The following RGS6 variants were observed in gnomAD, a reference collection of about 807,000 sequenced individuals.
RGS6 encodes regulator of G-protein signaling 6.
RGS6 carries 30 observed loss-of-function variants against 78.5 expected under a neutral mutation model. That is an observed-to-expected ratio of 0.38 (90% CI 0.29 to 0.52). RGS6 has a LOEUF of 0.52. Among genes scored for constraint, RGS6 ranks in the 20% least tolerant of loss-of-function variants. The pLI is 0.85. For synonymous variants in RGS6, 206 were observed against 206.0 expected, an observed-to-expected ratio of 1.00 and a Z score of 0.00; for missense variants, 495 against 609.7, an observed-to-expected ratio of 0.81 and a Z score of 1.98.
chr14:72,514,229 T>C (rs1316768008), intron 14 of RGS6, among the ~76,000 whole-genome samples: 1 of 152,160 alleles, frequency 6.6e-6, no homozygotes, highest in African/African-American at 2.4e-5. Flanking sequence ...ACGTCTCTGG[T>C]TGACCAGCAG....
chr14:72,130,697 C>T (rs964933865), intron 2 of RGS6, among the ~76,000 whole-genome samples: 8 of 152,190 alleles, frequency 5.3e-5, no homozygotes, highest in African/African-American at 1.7e-4. Context: ...CACTGGTCCT[C>T]TGCAGACTCA....
chr14:72,027,327 T>TA (rs2090073864), intron 2 of RGS6, among the ~76,000 whole-genome samples: 1 of 152,180 alleles, frequency 6.6e-6, no homozygotes, highest in African/African-American at 2.4e-5. Context: ...GAGTGCCTCT[T>TA]AGAGTCTCTT....
At chr14:72,068,724 C>T (rs982165690) in intron 2 of RGS6, among the ~76,000 whole-genome samples, 2 of 150,764 alleles carry the variant, frequency 1.3e-5, no homozygotes, top group African/African-American at 4.9e-5. Flanking sequence ...CTTGAACTCC[C>T]CACCTGTTGA....
intron 3 of RGS6, among the ~76,000 whole-genome samples, chr14:72,387,867 G>C (rs566370569): frequency 6.6e-6 from 1 of 152,222 alleles, no homozygotes; most frequent in African/African-American, 2.4e-5. Context: ...TGGTTTCTTC[G>C]GAGACTTCTC....
At chr14:72,018,356 G>A (rs545365493) in intron 2 of RGS6, among the ~76,000 whole-genome samples, 53 of 152,070 alleles carry the variant, frequency 3.5e-4, no homozygotes, top group African/African-American at 1.2e-3. Context: ...CCCCTTTGAT[G>A]TGCTTTTATA....
chr14:72,472,397 T>A (rs2096107780), intron 8 of RGS6, among the ~76,000 whole-genome samples: 1 of 152,192 alleles, frequency 6.6e-6, no homozygotes, highest in Non-Finnish European at 1.5e-5. Context: ...AATTGCAGCA[T>A]TTTAAAGACA....
At chr14:72,460,923 A>T (rs943356351) in intron 6 of RGS6, among the ~76,000 whole-genome samples, 2 of 151,920 alleles carry the variant, frequency 1.3e-5, no homozygotes, top group South Asian at 4.2e-4. Context: ...AATACAAGCG[A>T]GTTGTACCTA....
intron 2 of RGS6, among the ~76,000 whole-genome samples, chr14:72,290,379 G>A (rs1431226271): frequency 3.6e-4 from 54 of 152,068 alleles, no homozygotes; most frequent in Non-Finnish European, 1.6e-4. Flanking sequence ...AAGACTTCCC[G>A]GCATGTTTTC....
chr14:72,541,128 A>G, intron 17 of RGS6: 1 of 1,367,546 alleles, frequency 7.3e-7, no homozygotes, highest in Non-Finnish European at 9.7e-7. Context: ...CCATGCAGGG[A>G]GCTGGCCACA....
chr14:72,540,235 CT>C, intron 17 of RGS6, 141 bp downstream of exon 17: 1 of 1,542,586 alleles, frequency 6.5e-7, no homozygotes, highest in South Asian at 1.2e-5. Flanking sequence ...CGACTCAGCC[CT>C]TTTCTTTTGC....
At chr14:72,330,594 G>A (rs1353497590) in intron 2 of RGS6, among the ~76,000 whole-genome samples, 1 of 152,164 alleles carries the variant, frequency 6.6e-6, no homozygotes, top group Non-Finnish European at 1.5e-5. Context: ...TCCTCCAAAA[G>A]GGCATTAACT....
chr14:72,368,275 C>T (rs1204973457), intron 3 of RGS6, among the ~76,000 whole-genome samples: 1 of 152,174 alleles, frequency 6.6e-6, no homozygotes, highest in African/African-American at 2.4e-5. Context: ...AGCTAACCCA[C>T]TCCTAGGATA....
intron 16 of RGS6, among the ~76,000 whole-genome samples, chr14:72,538,279 G>A (rs573589581): frequency 3.1e-4 from 47 of 152,370 alleles, no homozygotes; most frequent in African/African-American, 1.1e-3. Context: ...GGCGGAGAGA[G>A]GGAATATGAA....
chr14:72,623,903 T>C, the RGS6 span, among the ~76,000 whole-genome samples: 1 of 152,148 alleles, frequency 6.6e-6, no homozygotes, highest in Non-Finnish European at 1.5e-5. Context: ...GCATAAAATG[T>C]ATAAATATAT....
the RGS6 span, among the ~76,000 whole-genome samples, chr14:71,870,448 A>G: frequency 6.6e-6 from 1 of 152,116 alleles, no homozygotes; most frequent in Non-Finnish European, 1.5e-5. Flanking sequence ...GATTTTGCAT[A>G]TGGCCCCTGG....
chr14:72,131,638 A>G (rs1461248965), intron 2 of RGS6, among the ~76,000 whole-genome samples: 1 of 152,216 alleles, frequency 6.6e-6, no homozygotes, highest in Non-Finnish European at 1.5e-5. Context: ...GGCAACAACC[A>G]ACTAACTGTG....
intron 2 of RGS6, among the ~76,000 whole-genome samples, chr14:72,192,821 A>G (rs1294842351): frequency 2.6e-5 from 4 of 152,134 alleles, no homozygotes; most frequent in African/African-American, 9.7e-5. Flanking sequence ...TGGCTCTCTT[A>G]TTAGCCTTCA....
chr14:72,304,298 C>T (rs1595563807), intron 2 of RGS6, among the ~76,000 whole-genome samples: 1 of 152,336 alleles, frequency 6.6e-6, no homozygotes, highest in Middle Eastern at 3.4e-3. Context: ...GCAGAGGATC[C>T]ACCTTTACCA....
intron 17 of RGS6, chr14:72,541,576 C>A: frequency 6.5e-7 from 1 of 1,535,688 alleles, no homozygotes; most frequent in South Asian, 1.2e-5. Context: ...CTGTCAGAGT[C>A]AAGGCTTCTG....
Sources: gnomAD v4.1 joint callset for allele counts (sites outside exome capture counted in the v4.1 genomes callset) on GRCh38, gnomAD v4.1.1 for gene constraint, MANE v1.5 for transcripts, NCBI Gene and HGNC (gene_info 2026-07-23, HGNC 2026-07-21) for gene names.